The following FAM228B variants were observed in gnomAD, a reference collection of about 807,000 sequenced individuals.
FAM228B encodes family with sequence similarity 228 member B.
FAM228B carries 38 observed loss-of-function variants against 42.6 expected under a neutral mutation model. The observed-to-expected ratio is 0.89, with a 90% CI of 0.69 to 1.17. FAM228B has a LOEUF of 1.17. Ranked by LOEUF, FAM228B falls within the 50% of genes most tolerant of loss-of-function variation. The pLI, the probability that FAM228B is intolerant of heterozygous loss-of-function variation, is 0.00. For missense variants in FAM228B, 344 were observed against 367.3 expected (o/e 0.94, Z 0.52); for synonymous variants, 109 against 122.3 (o/e 0.89, Z 0.72).
Position 24,164,254 on chromosome 2 carries a change from A to T in FAM228B, c.851A>T (p.Asn284Ile). The change falls in exon 9 of 11, where the codon AAT (asparagine) becomes ATT (isoleucine). Residue 284 changes from asparagine to isoleucine, a missense_variant. Coordinates refer to ENST00000615575, the MANE Select transcript of FAM228B (RefSeq NM_001145710.2). ...CCGCTGTGCTATCAGGAGGGAAATA[A>T]TCCAAGTGCCAAAGAGGCCATCTCT... ...REPLCYQEGN[N>I]PSAKEAISEG... The T allele has an allele frequency of 6.4e-7, 1 of 1,551,466 alleles. No homozygotes were observed. The highest frequency in any genetic ancestry group is 1.2e-5 in the South Asian group (1 of 84,050).
chr2:24,153,966 T>C (rs548336766), intron 7 of FAM228B, among the ~76,000 whole-genome samples: 2 of 152,316 alleles, frequency 1.3e-5, no homozygotes, highest in Non-Finnish European at 2.9e-5. Flanking sequence ...ATGGCTTTAT[T>C]CTCTGTTGTG....
intron 2 of FAM228B, among the ~76,000 whole-genome samples, chr2:24,083,803 A>G (rs1665124130): frequency 6.6e-6 from 1 of 152,102 alleles, no homozygotes; most frequent in Non-Finnish European, 1.5e-5. Context: ...CTTGAATCCC[A>G]GCTCTTCTGA....
At chr2:24,164,571 ATGAGGGTGCCCCCTGGTGGAGCCACACG>A (rs1667358079) in intron 9 of FAM228B, among the ~76,000 whole-genome samples, 1 of 149,774 alleles carries the variant, frequency 6.7e-6, no homozygotes, top group East Asian at 2.0e-4. Context: ...GAGCCACACG[ATGAGGGTGCCCCCTGGTGGAGCCACACG>A]ATGAGGGTGC....
At chr2:24,106,978 A>C (rs781370055) in intron 3 of FAM228B, among the ~76,000 whole-genome samples, 1 of 152,200 alleles carries the variant, frequency 6.6e-6, no homozygotes, top group Non-Finnish European at 1.5e-5. Flanking sequence ...AAAGGCACAG[A>C]GTGGCAAGCT....
chr2:24,115,582 C>G (rs554410006), intron 3 of FAM228B: 1 of 1,611,922 alleles, frequency 6.2e-7, no homozygotes, highest in Non-Finnish European at 8.5e-7. Context: ...CCTCTGATGA[C>G]TTAACTTCCT....
intron 3 of FAM228B, chr2:24,096,963 G>A (rs1665509857): frequency 6.6e-6 from 1 of 152,162 alleles, no homozygotes; most frequent in African/African-American, 2.4e-5. Flanking sequence ...AGAAGAGAGT[G>A]GGGGCCAATA....
chr2:24,163,181 T>C (rs927152875), intron 8 of FAM228B, among the ~76,000 whole-genome samples: 2 of 152,234 alleles, frequency 1.3e-5, no homozygotes, highest in South Asian at 4.1e-4. Context: ...TCTCTGTTCC[T>C]AAAAAGTGCC....
At chr2:24,146,886 G>T in intron 6 of FAM228B, 44 bp from the exon 7 acceptor site, 1 of 1,539,678 alleles carries the variant, frequency 6.5e-7, no homozygotes, top group Non-Finnish European at 8.8e-7. Flanking sequence ...AGCAATGGCA[G>T]ATGCATTTAA....
chr2:24,115,774 C>T (rs1665895312), intron 3 of FAM228B, among the ~76,000 whole-genome samples: 1 of 152,124 alleles, frequency 6.6e-6, no homozygotes. Context: ...AGTTGAAACA[C>T]AGTTCCTGCC....
chr2:24,145,277 C>A (rs992554198), intron 5 of FAM228B, among the ~76,000 whole-genome samples: 9 of 152,186 alleles, frequency 5.9e-5, no homozygotes, highest in Admixed American at 5.9e-4. Flanking sequence ...TGGGGACTGG[C>A]CTGCCCAGTG....
chr2:24,149,817 C>T (rs1441766647), intron 7 of FAM228B, among the ~76,000 whole-genome samples: 1 of 152,192 alleles, frequency 6.6e-6, no homozygotes, highest in African/African-American at 2.4e-5. Context: ...GGAGTGTGAG[C>T]CACTGCACCT....
chr2:24,135,493 G>A (rs1370480190), intron 3 of FAM228B, among the ~76,000 whole-genome samples: 1 of 152,180 alleles, frequency 6.6e-6, no homozygotes, highest in Non-Finnish European at 1.5e-5. Context: ...GCTGTTAGCA[G>A]AACACACTGA....
chr2:24,112,614 C>G (rs140544684), intron 3 of FAM228B, among the ~76,000 whole-genome samples: 6 of 152,180 alleles, frequency 3.9e-5, no homozygotes, highest in African/African-American at 1.2e-4. Context: ...GAAATTTTCA[C>G]TTAATGTGAA....
At chr2:24,130,526 A>G (rs1309976772) in intron 2 of FAM228B, among the ~76,000 whole-genome samples, 1 of 152,152 alleles carries the variant, frequency 6.6e-6, no homozygotes, top group East Asian at 1.9e-4. Flanking sequence ...ATGGTATCTC[A>G]TTATGGTTTT....
At chr2:24,160,502 A>C (rs953287853) in intron 7 of FAM228B, among the ~76,000 whole-genome samples, 2 of 151,924 alleles carry the variant, frequency 1.3e-5, no homozygotes, top group African/African-American at 4.8e-5. Context: ...TATGTCCTTT[A>C]TATTTTCCAT....
At chr2:24,119,025 T>C (rs147915952), upstream of FAM228B, among the ~76,000 whole-genome samples, 14 of 152,344 alleles carry the variant, frequency 9.2e-5, no homozygotes, top group African/African-American at 3.4e-4. Flanking sequence ...ATGAGATCTT[T>C]ATTCAAAAAT....
Position 24,164,240 on chromosome 2 carries a change from T to G in FAM228B, c.837T>G (p.Tyr279Ter). ...SSFLEREPLC[Y>*]QEGNNPSAKE... ...TTCTAGAAAGAGAACCGCTGTGCTATCAGGAGGGAAATAATCCAAGTGCCA... is the reference window on the plus strand; with the variant it reads ...TTCTAGAAAGAGAACCGCTGTGCTAGCAGGAGGGAAATAATCCAAGTGCCA... Residue 279 changes from tyrosine (Y) to a stop codon, truncating the protein, a stop_gained, in exon 9 of 11, where the codon TAT (tyrosine) becomes TAG (stop). Transcript: ENST00000615575. LOFTEE classifies it high-confidence loss of function. The G allele has an allele frequency of 6.4e-7, 1 of 1,551,284 alleles. No individual in the cohort carries two copies.
At chr2:24,166,069 A>ATATATATATATATATG (rs1367498989) in intron 9 of FAM228B, 12 of 145,062 alleles carry the variant, frequency 8.3e-5, no homozygotes, top group South Asian at 4.4e-4. Flanking sequence ...ATATATATAT[A>ATATATATATATATATG]TATGTATGTA....
At chr2:24,123,877 G>C (rs1431187547) in intron 1 of FAM228B, among the ~76,000 whole-genome samples, 1 of 152,168 alleles carries the variant, frequency 6.6e-6, no homozygotes, top group Non-Finnish European at 1.5e-5. Context: ...GTGCCTCGGG[G>C]AGGACTTCGA....
Sources: allele counts gnomAD v4.1 joint callset (sites outside exome capture counted in the v4.1 genomes callset), GRCh38; gene constraint gnomAD v4.1.1; transcripts MANE v1.5; gene names NCBI Gene and HGNC (gene_info 2026-07-23, HGNC 2026-07-21).